The following DLST variants were observed in gnomAD, a reference collection of about 807,000 sequenced individuals.
DLST encodes dihydrolipoyllysine-residue succinyltransferase component of 2-oxoglutarate dehydrogenase complex, mitochondrial.
In DLST, 17 loss-of-function variants were observed where a neutral mutation model predicts 53.1. The observed-to-expected ratio is 0.32, with a 90% confidence interval of 0.22 to 0.48. The LOEUF (loss-of-function observed/expected upper bound fraction) is 0.48. Among genes scored for constraint, DLST ranks in the 20% least tolerant of loss-of-function variants. The probability of loss-of-function intolerance (pLI) is 0.99; values close to 1 mark genes in which losing one functional copy is unlikely to be tolerated. For missense variants in DLST, 512 were observed against 583.9 expected (o/e 0.88, Z 1.27); for synonymous variants, 206 against 204.8 (o/e 1.01, Z -0.05).
At chr14:74,883,251 C>T (rs377641149) in intron 2 of DLST, among the ~76,000 whole-genome samples, 206 of 150,078 alleles carry the variant, frequency 1.4e-3, no homozygotes, top group African/African-American at 4.8e-3. Flanking sequence ...GCCGAGTTCG[C>T]GCCACTGCAC....
Position 74,902,502 on chromosome 14 carries a change from C to A in DLST, c.*172C>A. The A allele has an allele frequency of 3.1e-6, 2 of 651,720 alleles. No individual in the cohort carries two copies. Among genetic ancestry groups the A allele is most frequent in the Non-Finnish European group, 4.7e-6 (2 of 423,020 alleles). 40.4% of individuals were successfully genotyped at this position (651,720 alleles called of 1,614,324 possible). On this transcript the variant is annotated 3_prime_UTR_variant, in exon 15 of 15. Transcript: ENST00000334220. Reference sequence around the variant, plus strand: ...CAGTCACAGGTCTTTTCTTGGCGTTCCTGCCAGGCTCTCCCTCTCTGCACC... The same window carrying A: ...CAGTCACAGGTCTTTTCTTGGCGTTACTGCCAGGCTCTCCCTCTCTGCACC...
chr14:74,882,540 G>A, intron 1 of DLST, 51 bp from the exon 2 acceptor site: 1 of 1,594,604 alleles, frequency 6.3e-7, no homozygotes, highest in Non-Finnish European at 8.6e-7. Flanking sequence ...AGAAAAAGCT[G>A]GGTTTTTTTT....
chr14:74,887,317 C>T (rs1883741851), intron 3 of DLST, among the ~76,000 whole-genome samples: 1 of 152,072 alleles, frequency 6.6e-6, no homozygotes, highest in Admixed American at 6.5e-5. Flanking sequence ...TAGTGAACAT[C>T]TAGTTATTTA....
intron 6 of DLST, among the ~76,000 whole-genome samples, chr14:74,890,738 C>G (rs546193578): frequency 6.9e-4 from 105 of 151,992 alleles, no homozygotes; most frequent in Middle Eastern, 3.4e-3. Flanking sequence ...TGTTTTGAGA[C>G]GTTTCGCTCT....
intron 3 of DLST, 113 bp from the exon 4 acceptor site, chr14:74,888,982 C>A: frequency 9.6e-7 from 1 of 1,038,610 alleles, no homozygotes; most frequent in Non-Finnish European, 1.5e-6. Context: ...CACTGATGGA[C>A]ACCCCTGGTC....
At chr14:74,901,412 T>C (rs1382550244) in intron 14 of DLST, among the ~76,000 whole-genome samples, 179 bp downstream of exon 14, 4 of 152,256 alleles carry the variant, frequency 2.6e-5, no homozygotes, top group Non-Finnish European at 5.9e-5. Flanking sequence ...TGGGACCTTA[T>C]TAGAAATGCA....
chr14:74,891,744 T>G (rs1398871126), intron 7 of DLST: 2 of 984,928 alleles, frequency 2.0e-6, no homozygotes, highest in Non-Finnish European at 2.4e-6. Context: ...AAAGTCTATT[T>G]CTTTTTCCTA....
chr14:74,885,644 A>G lies in DLST; in HGVS notation c.146+10A>G. 1 of 1,609,510 alleles carries G rather than the reference A, an allele frequency of 6.2e-7. No individual in the cohort carries two copies. The highest frequency in any genetic ancestry group is 1.1e-5 in the South Asian group (1 of 90,368). ...ACAGCAGGAAGGTTGTGTAAGTATCACTGGGGAGTACAGATATGTGGCCAC... is the reference window on the plus strand; with the variant it reads ...ACAGCAGGAAGGTTGTGTAAGTATCGCTGGGGAGTACAGATATGTGGCCAC... On this transcript the variant is annotated intron_variant, in intron 3 of 14. Coordinates refer to ENST00000334220, the MANE Select transcript of DLST (RefSeq NM_001933.5).
At chr14:74,900,407 G>A (rs753330369) in intron 13 of DLST, 35 bp downstream of exon 13, 11 of 1,595,672 alleles carry the variant, frequency 6.9e-6, no homozygotes. Context: ...CTGCTAAGCA[G>A]GCGAGGGAAG....
chr14:74,890,262 G>A (rs1356701665), intron 6 of DLST, among the ~76,000 whole-genome samples: 1 of 151,490 alleles, frequency 6.6e-6, no homozygotes, highest in Non-Finnish European at 1.5e-5. Context: ...CTAGTATCTG[G>A]GCTTACAGGC....
In DLST at chr14:74,889,857, C is replaced by T. The variant is rs147181228; in HGVS notation, c.275-40C>T. The T allele has an allele frequency of 4.0e-4, 648 of 1,606,494 alleles. 4 individuals carry two copies. The African/African-American group carries it at 6.5e-3, about 16-fold the overall frequency. ...GGTTTTGTGGCTACTGGAGGCTCCC[C>T]GCTAACAGGTAGCCTTGTAGCCTTT... On this transcript the variant is annotated intron_variant, in intron 5 of 14. Transcript: ENST00000334220.
chr14:74,889,641 G>A (rs1210653560), intron 5 of DLST: 1 of 549,046 alleles, frequency 1.8e-6, no homozygotes. Context: ...ACAAAGTGTT[G>A]GGATTACAGG....
chr14:74,890,921 G>C (rs1883882254), intron 6 of DLST, 135 bp from the exon 7 acceptor site: 10 of 1,213,210 alleles, frequency 8.2e-6, no homozygotes, highest in Non-Finnish European at 1.1e-5. Flanking sequence ...CAAGTGATCC[G>C]CCTGCCTTGG....
chr14:74,898,554 C>G (rs946493824), intron 11 of DLST, 55 bp downstream of exon 11: 1 of 1,569,780 alleles, frequency 6.4e-7, no homozygotes, highest in African/African-American at 1.4e-5. Context: ...TGTATGAGCA[C>G]AGACCTGCTC....
intron 7 of DLST, 177 bp downstream of exon 7, chr14:74,891,344 G>T (rs769157800): frequency 1.4e-5 from 19 of 1,380,364 alleles, no homozygotes; most frequent in Non-Finnish European, 1.7e-5. Context: ...AATTCTAAAA[G>T]AAAAGTGTAT....
rs1884291380 is a variant in DLST, at chr14:74,902,464, A to G, written c.*134A>G. ...TTGGCCTCAAGCAAGGAAGCAGAGC[A>G]CTGTGTAACCAGCAGTCACAGGTCT... On this transcript the variant is annotated 3_prime_UTR_variant, in exon 15 of 15. Transcript: ENST00000334220. 1.7e-6 allele frequency: 2 copies of G among 1,149,932 alleles called. No homozygotes were observed. The highest frequency in any genetic ancestry group is 2.4e-6 in the Non-Finnish European group (2 of 836,562). 71.2% of individuals were successfully genotyped at this position (1,149,932 alleles called of 1,614,324 possible).
At chr14:74,888,597 C>T (rs138373801) in intron 3 of DLST, among the ~76,000 whole-genome samples, 17 of 152,164 alleles carry the variant, frequency 1.1e-4, no homozygotes, top group African/African-American at 4.1e-4. Context: ...GTCCCAGCTA[C>T]CCGGGAGGCA....
chr14:74,887,387 C>CT (rs1474237932), intron 3 of DLST, among the ~76,000 whole-genome samples: 1 of 152,082 alleles, frequency 6.6e-6, no homozygotes, highest in Non-Finnish European at 1.5e-5. Context: ...TCATGACTCT[C>CT]TACAATAAAT....
chr14:74,894,328 T>C lies in DLST; in HGVS notation c.689T>C (p.Met230Thr), dbSNP rs747596625. 2 of 1,614,124 alleles carry C rather than the reference T, an allele frequency of 1.2e-6. No homozygotes were observed. Among genetic ancestry groups the C allele is most frequent in the Non-Finnish European group, 1.7e-6 (2 of 1,179,994 alleles). Residue 230 changes from methionine (M) to threonine (T), a missense_variant, in exon 10 of 15, where the codon ATG (methionine) becomes ACG (threonine). This residue lies in a region of DLST where 162 missense variants were observed against 162.0 expected (regional missense o/e 1.00). Coordinates refer to ENST00000334220, the MANE Select transcript of DLST (RefSeq NM_001933.5). ...RSEHREKMNRMRQRIAQRLKE... is the reference protein window; with the variant it reads ...RSEHREKMNRTRQRIAQRLKE... ...TACTTTCAGGAGAAAATGAACAGGA[T>C]GCGGCAGCGCATTGCTCAGCGTCTG...
Sources: gnomAD v4.1 joint callset for allele counts (sites outside exome capture counted in the v4.1 genomes callset) on GRCh38, gnomAD v4.1.1 for gene constraint, gnomAD v4.1.1 regional missense constraint, MANE v1.5 for transcripts, NCBI Gene and HGNC (gene_info 2026-07-23, HGNC 2026-07-21) for gene names.